Variants in ZNF385B observed in about 807,000 individuals in gnomAD.
The protein encoded by ZNF385B is zinc finger protein 533.
In ZNF385B, 23 loss-of-function variants were observed where a neutral mutation model predicts 39.2. The ratio of observed to expected loss-of-function variants is 0.59; its 90% CI spans 0.42 to 0.83. The LOEUF (loss-of-function observed/expected upper bound fraction) is 0.83. Ranked by LOEUF, ZNF385B falls within the 40% of genes least tolerant of loss-of-function variation. The probability of loss-of-function intolerance (pLI) is 0.00; values close to 1 mark genes in which losing one functional copy is unlikely to be tolerated. For synonymous variants in ZNF385B, 205 were observed against 222.6 expected (o/e 0.92, Z 0.70); for missense variants, 552 against 598.9 (o/e 0.92, Z 0.82).
At chr2:179,525,480 G>A (rs1313201159) in intron 4 of ZNF385B, among the ~76,000 whole-genome samples, 1 of 152,126 alleles carries the variant, frequency 6.6e-6, no homozygotes, top group East Asian at 1.9e-4. Context: ...TAGAAATTAC[G>A]TGTTTGCAAG....
At chr2:179,469,117 C>T (rs1455273288) in intron 6 of ZNF385B, among the ~76,000 whole-genome samples, 1 of 152,142 alleles carries the variant, frequency 6.6e-6, no homozygotes, top group East Asian at 1.9e-4. Flanking sequence ...TATCAAGCTG[C>T]TCTGCTCTGC....
At chr2:179,843,777 CTACCTTCAACA>C (rs1176481823) in intron 1 of ZNF385B, among the ~76,000 whole-genome samples, 4 of 152,226 alleles carry the variant, frequency 2.6e-5, no homozygotes, top group African/African-American at 9.6e-5. Context: ...CAAACTCAAT[CTACCTTCAACA>C]TACAGGCAGG....
rs1410500846 is a variant in ZNF385B, at chr2:179,476,006, G to A, written c.715+7266C>T. Among the ~76,000 whole-genome samples the A allele has an allele frequency of 6.9e-4, 78 of 112,646 alleles. 1 individual carries two copies. Among genetic ancestry groups the A allele is most frequent in the African/African-American group, 2.3e-3 (65 of 27,948 alleles). The allele number at this position is 112,646 out of a possible 152,430, so 73.9% of individuals were successfully genotyped here. A position where few individuals can be genotyped will look rare whatever the true frequency, so the allele number is the denominator to read the frequency against. On this transcript the variant is annotated intron_variant, in intron 6 of 9. Coordinates refer to ENST00000410066, the MANE Select transcript of ZNF385B (RefSeq NM_152520.6). ...CACTCCAGCCTGGGCAACAGAGTGA[G>A]CCTCTGTCTCAAAAAAAAAAAAAAA... is the stretch of plus-strand genomic sequence containing the variant.
At chr2:179,549,586 TAC>T (rs746109799) in intron 3 of ZNF385B, among the ~76,000 whole-genome samples, 24 of 149,758 alleles carry the variant, frequency 1.6e-4, no homozygotes, top group Non-Finnish European at 3.3e-4. Context: ...ACCAATGTTT[TAC>T]ACAGTTTCCC....
intron 6 of ZNF385B, among the ~76,000 whole-genome samples, chr2:179,454,743 G>GAAAT (rs1217484425): frequency 6.6e-6 from 1 of 151,856 alleles, no homozygotes; most frequent in South Asian, 2.1e-4. Context: ...TGTAAAAAGT[G>GAAAT]AAATAAATAA....
At chr2:179,565,928 T>G (rs1332907649) in intron 3 of ZNF385B, among the ~76,000 whole-genome samples, 1 of 152,198 alleles carries the variant, frequency 6.6e-6, no homozygotes, top group African/African-American at 2.4e-5. Flanking sequence ...CTTAAGAATG[T>G]TGATTGTGTA....
chr2:179,681,682 T>G (rs916106207), intron 3 of ZNF385B, among the ~76,000 whole-genome samples: 36 of 152,346 alleles, frequency 2.4e-4, no homozygotes, highest in African/African-American at 8.7e-4. Context: ...AATTGACATC[T>G]TCTACATTAT....
At position 179,784,054 on chromosome 2, in the gene ZNF385B, A is replaced by G. The variant is rs145104751; in HGVS notation, c.-154-13382T>C. Among the ~76,000 whole-genome samples, 318 of 152,324 alleles carry G rather than the reference A, an allele frequency of 2.1e-3. 1 individual carries two copies. The highest frequency in any genetic ancestry group is 7.3e-3 in the African/African-American group (303 of 41,588). On this transcript the variant is annotated intron_variant, in intron 1 of 9. Coordinates refer to ENST00000410066, the MANE Select transcript of ZNF385B (RefSeq NM_152520.6). ...TCACTGCAACACTATTCACAATAGT[A>G]AAGACATGGAATTAACCTAAATGCC...
chr2:179,778,792 A>G (rs13410494), intron 1 of ZNF385B, among the ~76,000 whole-genome samples: 2,016 of 152,322 alleles, frequency 0.013, 37 homozygotes, highest in African/African-American at 0.044. Context: ...CATAAAAAAG[A>G]TTGGAGAAAA....
chr2:179,777,363 G>C (rs1339809320), intron 1 of ZNF385B, among the ~76,000 whole-genome samples: 1 of 151,950 alleles, frequency 6.6e-6, no homozygotes, highest in Non-Finnish European at 1.5e-5. Context: ...TAACATGAAA[G>C]CTATTAATTT....
rs11891767 is a variant in ZNF385B, at chr2:179,543,482, T to C, written c.441+1345A>G. Among the ~76,000 whole-genome samples the C allele has an allele frequency of 5.4e-4, 82 of 152,232 alleles. 1 individual carries two copies. Among genetic ancestry groups the C allele is most frequent in the East Asian group, 4.6e-3 (24 of 5,168 alleles). ...TATGAAGTATAGCTTAATTCAGTTATGATTGGAATGTGTCACACATGTTTG... is the reference window on the plus strand; with the variant it reads ...TATGAAGTATAGCTTAATTCAGTTACGATTGGAATGTGTCACACATGTTTG... On this transcript the variant is annotated intron_variant, in intron 4 of 9. Coordinates refer to ENST00000410066, the MANE Select transcript of ZNF385B (RefSeq NM_152520.6).
At chr2:179,784,738 A>G (rs1704886235) in intron 1 of ZNF385B, among the ~76,000 whole-genome samples, 1 of 152,102 alleles carries the variant, frequency 6.6e-6, no homozygotes, top group Non-Finnish European at 1.5e-5. Flanking sequence ...TAAAGCCACA[A>G]TGTGATATGA....
rs143638890 is a variant in ZNF385B, at chr2:179,574,595, TACAGG to T, written c.299-29631_299-29627del. Among the ~76,000 whole-genome samples, 30 of 152,284 alleles carry T rather than the reference TACAGG, an allele frequency of 2.0e-4. No individual in the cohort carries two copies. In the East Asian group the frequency reaches 5.8e-3, roughly 29 times the overall value. Reference sequence around the variant, plus strand: ...TACAGTCAAATCAACTGTAGCTACTTACAGGAAAAGACCATTAAAAGCCACAAAGC... The same window carrying T: ...TACAGTCAAATCAACTGTAGCTACTTAAAAGACCATTAAAAGCCACAAAGC... On this transcript the variant is annotated intron_variant, in intron 3 of 9. Coordinates refer to ENST00000410066, the MANE Select transcript of ZNF385B (RefSeq NM_152520.6).
At chr2:179,702,129 G>A (rs937467365) in intron 3 of ZNF385B, among the ~76,000 whole-genome samples, 5 of 152,002 alleles carry the variant, frequency 3.3e-5, no homozygotes, top group Non-Finnish European at 7.4e-5. Context: ...TTGTGCACAT[G>A]TACCCTAAAA....
At chr2:179,818,978 G>T (rs1707237331) in intron 1 of ZNF385B, among the ~76,000 whole-genome samples, 1 of 151,292 alleles carries the variant, frequency 6.6e-6, no homozygotes, top group South Asian at 2.1e-4. Flanking sequence ...TTATTTTGGT[G>T]TTTTTTTGCC....
At chr2:179,542,961 A>C (rs1335741476) in intron 4 of ZNF385B, among the ~76,000 whole-genome samples, 1 of 152,078 alleles carries the variant, frequency 6.6e-6, no homozygotes, top group Non-Finnish European at 1.5e-5. Flanking sequence ...TTCATGTATT[A>C]TTTATGTTAA....
Position 179,476,547 on chromosome 2 carries a change from C to T in ZNF385B, c.715+6725G>A, listed in dbSNP as rs533402292. Among the ~76,000 whole-genome samples, 7 of 152,222 alleles carry T rather than the reference C, an allele frequency of 4.6e-5. No individual in the cohort carries two copies. The East Asian group carries it at 1.2e-3, about 25-fold the overall frequency. On this transcript the variant is annotated intron_variant, in intron 6 of 9. Transcript: ENST00000410066. ...TTCTTAGACCAACACTAAAAAATAG[C>T]TTTCAAAAGTGAAGAAACTGACAGT...
At chr2:179,631,117 C>T (rs1691168418) in intron 3 of ZNF385B, among the ~76,000 whole-genome samples, 1 of 152,194 alleles carries the variant, frequency 6.6e-6, no homozygotes, top group Non-Finnish European at 1.5e-5. Context: ...TCCAGGAGAA[C>T]TTCCCCAACC....
At chr2:179,451,442 A>C (rs951296884) in intron 6 of ZNF385B, among the ~76,000 whole-genome samples, 1 of 152,054 alleles carries the variant, frequency 6.6e-6, no homozygotes, top group Non-Finnish European at 1.5e-5. Flanking sequence ...ATTGAGCCAG[A>C]AGGCAGAGAA....
Sources: allele counts gnomAD v4.1 joint callset (sites outside exome capture counted in the v4.1 genomes callset), GRCh38; gene constraint gnomAD v4.1.1; transcripts MANE v1.5; gene names NCBI Gene and HGNC (gene_info 2026-07-23, HGNC 2026-07-21).